PPP1R21: variants seen among roughly 807,000 people sequenced by gnomAD.
PPP1R21 encodes KLRAQ motif containing 1.
In PPP1R21, 85 loss-of-function variants were observed where a neutral mutation model predicts 112.8. That is an observed-to-expected ratio of 0.75 (90% CI 0.63 to 0.90). The LOEUF (loss-of-function observed/expected upper bound fraction) is 0.90, where lower values mean the gene tolerates loss of function less well. PPP1R21 is among the 40% of genes least tolerant of loss of function. The pLI is 0.00. For synonymous variants in PPP1R21, 381 were observed against 322.3 expected, an observed-to-expected ratio of 1.18 and a Z score of -1.95; for missense variants, 1,199 against 901.5, an observed-to-expected ratio of 1.33 and a Z score of -4.23.
rs56905139 is a variant in PPP1R21 at position 48,457,481 on chromosome 2, A to G, written c.274-645A>G. Among the ~76,000 whole-genome samples, 312 of 152,304 alleles carry G rather than the reference A, an allele frequency of 2.0e-3. 1 individual carries two copies. The highest frequency in any genetic ancestry group is 7.3e-3 in the African/African-American group (302 of 41,572). ...CTGTTCCTTGAATAGTCTCAGTTCT[A>G]TGTATTACATGAAAACAAATACTCA... On this transcript the variant is annotated intron_variant, in intron 3 of 21. Transcript: ENST00000294952.
Position 48,471,094 on chromosome 2 carries a change from A to G in PPP1R21, c.905A>G (p.Gln302Arg). Residue 302 changes from glutamine (Q) to arginine (R), a missense_variant, in exon 10 of 22, where the codon CAA (glutamine) becomes CGA (arginine). Transcript: ENST00000294952. ...TISPLNQKFSQYLHENASYVR... is the reference protein window; with the variant it reads ...TISPLNQKFSRYLHENASYVR... The stretch of plus-strand genomic sequence containing the variant: ...ACTTTCCCTCCTGTTTAGTTCTCAC[A>G]ATACCTTCATGAAAATGCGTCCTAT... 6.2e-7 allele frequency: 1 copy of G among 1,606,538 alleles called. No homozygotes were observed. Among genetic ancestry groups the G allele is most frequent in the Non-Finnish European group, 8.5e-7 (1 of 1,173,250 alleles).
intron 13 of PPP1R21, among the ~76,000 whole-genome samples, chr2:48,483,341 C>T (rs551964033): frequency 8.3e-4 from 126 of 151,736 alleles, no homozygotes; most frequent in African/African-American, 2.5e-3. Context: ...GTCACCATGC[C>T]GGCTAATTTT....
At position 48,493,256 on chromosome 2, in the gene PPP1R21, C is replaced by T. The variant is rs951590258; in HGVS notation, c.1599+2086C>T. Reference sequence around the variant, plus strand: ...TCCTGACCTCCTGATCCACCTGCCTCGGCCTACCAAAGTGCTGGGATTACA... The same window carrying T: ...TCCTGACCTCCTGATCCACCTGCCTTGGCCTACCAAAGTGCTGGGATTACA... On this transcript the variant is annotated intron_variant, in intron 15 of 21. Transcript: ENST00000294952. Among the ~76,000 whole-genome samples, 7 of 152,190 alleles carry T rather than the reference C, an allele frequency of 4.6e-5. 1 individual carries two copies. In the South Asian group the frequency reaches 1.0e-3, roughly 23 times the overall value.
intron 9 of PPP1R21, among the ~76,000 whole-genome samples, chr2:48,466,735 A>G (rs768105761): frequency 3.3e-5 from 5 of 152,176 alleles, no homozygotes; most frequent in Non-Finnish European, 7.3e-5. Flanking sequence ...GAATGACATG[A>G]ACAAAATCAT....
At chr2:48,495,361 A>T (rs1669785728) in intron 15 of PPP1R21, among the ~76,000 whole-genome samples, 1 of 151,716 alleles carries the variant, frequency 6.6e-6, no homozygotes, top group Non-Finnish European at 1.5e-5. Context: ...GTGCCACCAT[A>T]CCCGGCTAAT....
chr2:48,492,573 G>C (rs1428150156), intron 15 of PPP1R21, among the ~76,000 whole-genome samples: 1 of 152,310 alleles, frequency 6.6e-6, no homozygotes, highest in African/African-American at 2.4e-5. Flanking sequence ...CAATAATACT[G>C]CAATGGATAG....
chr2:48,493,181 A>T (rs1266836745), intron 15 of PPP1R21, among the ~76,000 whole-genome samples: 1 of 151,544 alleles, frequency 6.6e-6, no homozygotes, highest in African/African-American at 2.4e-5. Flanking sequence ...AATTTTTTGT[A>T]CTTTTAGTAG....
intron 20 of PPP1R21, 33 bp from the exon 21 acceptor site, chr2:48,511,307 A>G (rs186718285): frequency 1.9e-6 from 3 of 1,599,006 alleles, no homozygotes; most frequent in South Asian, 2.3e-5. Context: ...GACTCGTGGG[A>G]TGTTGATTTT....
At chr2:48,483,374 G>T (rs959997064) in intron 13 of PPP1R21, among the ~76,000 whole-genome samples, 5 of 151,732 alleles carry the variant, frequency 3.3e-5, no homozygotes, top group African/African-American at 1.2e-4. Context: ...ATAGAGACAG[G>T]GTTTCGCCAT....
rs750073115 is a variant in PPP1R21, at chr2:48,511,386, T to C, written c.2231T>C (p.Met744Thr). The C allele has an allele frequency of 2.3e-5, 37 of 1,613,956 alleles. No individual in the cohort carries two copies. Among genetic ancestry groups the C allele is most frequent in the Non-Finnish European group, 3.1e-5 (36 of 1,180,006 alleles). ...TKRSYEDQLS[M>T]MSDHLCSMNE... Reference sequence around the variant, plus strand: ...AGGAGTTACGAGGATCAGTTAAGTATGATGAGTGACCACCTGTGCAGCATG... The same window carrying C: ...AGGAGTTACGAGGATCAGTTAAGTACGATGAGTGACCACCTGTGCAGCATG... The change falls in exon 21 of 22, where the codon ATG (methionine) becomes ACG (threonine). Residue 744 changes from methionine (M) to threonine (T), a missense_variant. Coordinates refer to ENST00000294952, the MANE Select transcript of PPP1R21 (RefSeq NM_001135629.3).
chr2:48,470,926 C>G (rs781742084), intron 9 of PPP1R21, among the ~76,000 whole-genome samples, 161 bp from the exon 10 acceptor site: 1 of 152,176 alleles, frequency 6.6e-6, no homozygotes, highest in Non-Finnish European at 1.5e-5. Context: ...AACCAAATTT[C>G]CAATAAAAGT....
chr2:48,500,060 G>C (rs972140042), intron 17 of PPP1R21, among the ~76,000 whole-genome samples: 2 of 152,116 alleles, frequency 1.3e-5, no homozygotes, highest in African/African-American at 4.8e-5. Flanking sequence ...TGATGCTATT[G>C]AAGAGCAAGT....
At chr2:48,485,314 A>C (rs1460347958) in intron 13 of PPP1R21, among the ~76,000 whole-genome samples, 2 of 152,158 alleles carry the variant, frequency 1.3e-5, no homozygotes, top group East Asian at 1.9e-4. Flanking sequence ...ATGTAAAAAA[A>C]AAAACAAAAA....
intron 16 of PPP1R21, among the ~76,000 whole-genome samples, chr2:48,497,542 C>T (rs1669900874): frequency 6.6e-6 from 1 of 151,900 alleles, no homozygotes; most frequent in African/African-American, 2.4e-5. Context: ...TTTTTGTGTT[C>T]AGCACAGTAT....
chr2:48,460,001 T>C (rs1667906200), intron 5 of PPP1R21, 83 bp downstream of exon 5: 1 of 1,592,968 alleles, frequency 6.3e-7, no homozygotes, highest in East Asian at 2.3e-5. Context: ...AGTTAGTCAT[T>C]TCTGGTGAGA....
At chr2:48,464,836 T>C (rs1456196870) in intron 7 of PPP1R21, 101 bp from the exon 8 acceptor site, 1 of 770,912 alleles carries the variant, frequency 1.3e-6, no homozygotes, top group Non-Finnish European at 2.1e-6. Context: ...AATTCTTATG[T>C]AAAGTTGATT....
chr2:48,514,962 C>G lies in PPP1R21; in HGVS notation c.*218C>G. 1 of 551,384 alleles carries G rather than the reference C, an allele frequency of 1.8e-6. No individual in the cohort carries two copies. Among genetic ancestry groups the G allele is most frequent in the Non-Finnish European group, 3.2e-6 (1 of 313,428 alleles). 34.2% of individuals were successfully genotyped at this position (551,384 alleles called of 1,614,324 possible). ...GTTGATGTCGGCAGTAAATGGAAAA[C>G]AATACGTATGTCATGGATATTGTAG... On this transcript the variant is annotated 3_prime_UTR_variant, in exon 22 of 22. Coordinates refer to ENST00000294952, the MANE Select transcript of PPP1R21 (RefSeq NM_001135629.3).
intron 17 of PPP1R21, among the ~76,000 whole-genome samples, chr2:48,504,181 G>A (rs1386348828): frequency 1.3e-5 from 2 of 152,076 alleles, no homozygotes; most frequent in Non-Finnish European, 2.9e-5. Flanking sequence ...GAGAGTAATT[G>A]CTACTTCTAC....
intron 9 of PPP1R21, among the ~76,000 whole-genome samples, chr2:48,465,882 C>G (rs760556885): frequency 6.6e-6 from 1 of 152,110 alleles, no homozygotes; most frequent in African/African-American, 2.4e-5. Flanking sequence ...GGAGACTGAG[C>G]AATTTACAAA....
Sources: gnomAD v4.1 joint callset for allele counts (sites outside exome capture counted in the v4.1 genomes callset) on GRCh38, gnomAD v4.1.1 for gene constraint, MANE v1.5 for transcripts, NCBI Gene and HGNC (gene_info 2026-07-23, HGNC 2026-07-21) for gene names.